TBK1: variants seen among roughly 807,000 people sequenced by gnomAD.
TBK1 encodes serine/threonine-protein kinase TBK1.
TBK1 carries 37 observed loss-of-function variants against 99.9 expected under a neutral mutation model. The ratio of observed to expected loss-of-function variants is 0.37; its 90% CI spans 0.28 to 0.49. The LOEUF is 0.49. Among genes scored for constraint, TBK1 ranks in the 20% least tolerant of loss-of-function variants. The pLI is 0.98. For synonymous variants in TBK1, 258 were observed against 279.8 expected (o/e 0.92, Z 0.78); for missense variants, 644 against 872.5 (o/e 0.74, Z 3.30).
chr12:64,474,962 A>G (rs920241161), intron 6 of TBK1, among the ~76,000 whole-genome samples: 2 of 152,138 alleles, frequency 1.3e-5, no homozygotes, highest in African/African-American at 4.8e-5. Context: ...ATAAAAAAAT[A>G]CAAACATTAG....
rs1477752980 is a variant in TBK1 at position 64,455,844 on chromosome 12, A to G, written c.-27A>G. ...CAAATTTTTTTTTTCTCTTAGTATA[A>G]CAAGAGGATTGCCTGATCCAGCCAA... On this transcript the variant is annotated 5_prime_UTR_variant, in exon 2 of 21. Transcript: ENST00000331710. The G allele has an allele frequency of 9.5e-6, 15 of 1,579,602 alleles. No individual in the cohort carries two copies. The highest frequency in any genetic ancestry group is 2.3e-5 in the South Asian group (2 of 86,056).
At chr12:64,470,572 A>G (rs1328418288) in intron 5 of TBK1, among the ~76,000 whole-genome samples, 1 of 152,238 alleles carries the variant, frequency 6.6e-6, no homozygotes, top group Admixed American at 6.5e-5. Flanking sequence ...ATTCTTGGAA[A>G]AGCTGTACAA....
chr12:64,488,658 G>A (rs935293856), intron 12 of TBK1, 70 bp downstream of exon 12: 1 of 1,109,238 alleles, frequency 9.0e-7, no homozygotes. Flanking sequence ...AAATGACTTA[G>A]TTATCCTTGG....
chr12:64,460,630 T>A (rs2040538279), intron 3 of TBK1, among the ~76,000 whole-genome samples: 1 of 151,858 alleles, frequency 6.6e-6, no homozygotes, highest in Admixed American at 6.6e-5. Flanking sequence ...GGTCAAGAGA[T>A]TGAGACCAGC....
chr12:64,488,601 C>A lies in TBK1; in HGVS notation c.1442+13C>A. On this transcript the variant is annotated intron_variant, in intron 12 of 20. Coordinates refer to ENST00000331710, the MANE Select transcript of TBK1 (RefSeq NM_013254.4). Reference sequence around the variant, plus strand: ...AAACTGTGAAAGTGTGAGTAGACTACTTCCTTACTAGTAGGGGTTAAATTA... The same window carrying A: ...AAACTGTGAAAGTGTGAGTAGACTAATTCCTTACTAGTAGGGGTTAAATTA... 1.3e-6 allele frequency: 2 copies of A among 1,511,910 alleles called. No homozygotes were observed. The highest frequency in any genetic ancestry group is 1.8e-6 in the Non-Finnish European group (2 of 1,101,892). 93.7% of individuals were successfully genotyped at this position (1,511,910 alleles called of 1,614,324 possible). A position where few individuals can be genotyped will look rare whatever the true frequency, so the allele number is the denominator to read the frequency against.
chr12:64,465,427 T>C (rs1401543390), intron 4 of TBK1, among the ~76,000 whole-genome samples: 1 of 151,600 alleles, frequency 6.6e-6, no homozygotes, highest in Non-Finnish European at 1.5e-5. Flanking sequence ...CTGCTACGTA[T>C]ATACCCCAAA....
Position 64,501,571 on chromosome 12 carries a change from A to G in TBK1, c.*190A>G. 5.5e-6 allele frequency: 3 copies of G among 541,000 alleles called. No homozygotes were observed. The highest frequency in any genetic ancestry group is 9.5e-6 in the Non-Finnish European group (3 of 317,262). 33.5% of individuals were successfully genotyped at this position (541,000 alleles called of 1,614,324 possible). A position where few individuals can be genotyped will look rare whatever the true frequency, so the allele number is the denominator to read the frequency against. On this transcript the variant is annotated 3_prime_UTR_variant, in exon 21 of 21. Transcript: ENST00000331710. ...TTGGCTGCTGTGAAGATGTAATTTT[A>G]TCTTTTAACATTTATAATTATATGA... is the stretch of plus-strand genomic sequence containing the variant.
intron 5 of TBK1, among the ~76,000 whole-genome samples, chr12:64,468,451 A>G (rs763880261): frequency 5.3e-5 from 8 of 151,840 alleles, no homozygotes; most frequent in Non-Finnish European, 7.4e-5. Context: ...AGATCGTGCC[A>G]CTGCACTCCA....
At chr12:64,482,564 T>TGTG (rs2040778062) in intron 8 of TBK1, among the ~76,000 whole-genome samples, 1 of 152,196 alleles carries the variant, frequency 6.6e-6, no homozygotes, top group Non-Finnish European at 1.5e-5. Context: ...TAAAACTGCA[T>TGTG]ATAAAGTTTT....
chr12:64,465,906 T>G (rs1289083714), intron 4 of TBK1, among the ~76,000 whole-genome samples: 1 of 152,206 alleles, frequency 6.6e-6, no homozygotes, highest in Non-Finnish European at 1.5e-5. Flanking sequence ...AGATGAATGT[T>G]ATGTTTGAAT....
chr12:64,460,044 A>G (rs573790090), intron 2 of TBK1, 145 bp from the exon 3 acceptor site: 21 of 463,614 alleles, frequency 4.5e-5, no homozygotes, highest in African/African-American at 3.0e-4. Flanking sequence ...TAGAAAAGTC[A>G]AAAGTCCTCA....
intron 5 of TBK1, among the ~76,000 whole-genome samples, chr12:64,471,964 T>A (rs946865008): frequency 2.0e-5 from 3 of 152,158 alleles, no homozygotes; most frequent in Admixed American, 6.5e-5. Flanking sequence ...CCCAGGAGGC[T>A]TTATATTCCA....
At chr12:64,476,316 C>T (rs569538791) in intron 6 of TBK1, among the ~76,000 whole-genome samples, 3 of 151,942 alleles carry the variant, frequency 2.0e-5, no homozygotes, top group South Asian at 4.2e-4. Flanking sequence ...TGCCACCACA[C>T]CCGGCTAATT....
intron 6 of TBK1, among the ~76,000 whole-genome samples, chr12:64,474,613 G>A (rs1168613218): frequency 1.3e-5 from 2 of 151,950 alleles, no homozygotes; most frequent in Non-Finnish European, 2.9e-5. Context: ...AGTATAAATG[G>A]TATTCAGTCT....
Position 64,496,965 on chromosome 12 carries a change from C to T in TBK1, c.1777C>T (p.His593Tyr). Residue 593 changes from histidine (H) to tyrosine (Y), a missense_variant, in exon 17 of 21, where the codon CAT becomes TAT. By Grantham distance (83) the His-to-Tyr change is moderately conservative (BLOSUM62 2). Transcript: ENST00000331710. The part of the protein sequence containing the change: ...HKFDKQKLYY[H>Y]ATKAMTHFTD... ...AAATTACAGGCAAAAACTGTATTAC[C>T]ATGCCACAAAAGCTATGACGCACTT... 1 of 1,611,998 alleles carries T rather than the reference C, an allele frequency of 6.2e-7. No homozygotes were observed. The highest frequency in any genetic ancestry group is 8.5e-7 in the Non-Finnish European group (1 of 1,178,918).
chr12:64,476,322 T>G (rs1349364489), intron 6 of TBK1, among the ~76,000 whole-genome samples: 1 of 151,482 alleles, frequency 6.6e-6, no homozygotes, highest in Admixed American at 6.6e-5. Flanking sequence ...CACACCCGGC[T>G]AATTTTTTGT....
At chr12:64,471,972 C>G (rs1399653646) in intron 5 of TBK1, among the ~76,000 whole-genome samples, 1 of 152,118 alleles carries the variant, frequency 6.6e-6, no homozygotes, top group Non-Finnish European at 1.5e-5. Flanking sequence ...GCTTTATATT[C>G]CAGAAGGCAT....
rs180957462 is a variant in TBK1 at position 64,474,843 on chromosome 12, C to T, written c.701+453C>T. On this transcript the variant is annotated intron_variant, in intron 6 of 20. Transcript: ENST00000331710. The stretch of plus-strand genomic sequence containing the variant: ...TTAAAAAATAACATTTTGGGCCAGG[C>T]GTGGTGGCTCACGCCTGTAATCCCA... Among the ~76,000 whole-genome samples the T allele has an allele frequency of 2.5e-3, 376 of 152,254 alleles. 4 individuals are homozygous for T. In the South Asian group the frequency reaches 0.029, roughly 12 times the overall value.
intron 13 of TBK1, 79 bp from the exon 14 acceptor site, chr12:64,495,404 A>G (rs1026351234): frequency 7.2e-6 from 11 of 1,524,924 alleles, no homozygotes; most frequent in Non-Finnish European, 9.7e-6. Flanking sequence ...AATGTGGTCC[A>G]GACTTTAGAC....
Sources: allele counts gnomAD v4.1 joint callset (sites outside exome capture counted in the v4.1 genomes callset), GRCh38; gene constraint gnomAD v4.1.1; transcripts MANE v1.5; gene names NCBI Gene and HGNC (gene_info 2026-07-23, HGNC 2026-07-21).